MRPL3: variants seen among roughly 807,000 people sequenced by gnomAD.
The protein encoded by MRPL3 is mitochondrial ribosomal protein L3, also known as large ribosomal subunit protein uL3m.
Under a neutral mutation model 44.3 loss-of-function variants are expected in MRPL3, and 43 were observed. The ratio of observed to expected loss-of-function variants is 0.97; its 90% CI spans 0.76 to 1.25. The LOEUF (loss-of-function observed/expected upper bound fraction) is 1.25. Among genes scored for constraint, MRPL3 ranks in the 50% most tolerant of loss-of-function variants. MRPL3 has a pLI of 0.00. For missense variants in MRPL3, 406 were observed against 427.6 expected, an observed-to-expected ratio of 0.95 and a Z score of 0.45; for synonymous variants, 171 against 152.3, an observed-to-expected ratio of 1.12 and a Z score of -0.91.
rs1294801451 is a variant in MRPL3, at chr3:131,498,184, A to C, written c.463T>G (p.Phe155Val). ...LSVGGKTVSR[F>V]RKATSILEFY... ...CTATGAAAATACATCCTTACACGAAAACGTGATACAGTTTTTCCTCCTACA... is the reference window on the plus strand; with the variant it reads ...CTATGAAAATACATCCTTACACGAACACGTGATACAGTTTTTCCTCCTACA... Residue 155 changes from phenylalanine (F) to valine (V), a missense_variant, in exon 4 of 10, where the codon TTT becomes GTT. Phe to Val is a conservative substitution (Grantham distance 50, BLOSUM62 -1). Transcript: ENST00000264995. 19 of 1,594,630 alleles carry C rather than the reference A, an allele frequency of 1.2e-5. No individual in the cohort carries two copies. The highest frequency in any genetic ancestry group is 1.5e-5 in the Non-Finnish European group (18 of 1,162,588).
At position 131,496,615 on chromosome 3, in the gene MRPL3, C is replaced by T. The variant is rs114161330; in HGVS notation, c.468+1564G>A. Among the ~76,000 whole-genome samples the T allele has an allele frequency of 3.5e-3, 534 of 152,250 alleles. 7 individuals are homozygous for T. Among genetic ancestry groups the T allele is most frequent in the African/African-American group, 0.012 (507 of 41,532 alleles). ...TTCCTATCCCAGAGTATGCAATCAG[C>T]ACTGACCTAGTTGTGTCCTCCCACC... On this transcript the variant is annotated intron_variant, in intron 4 of 9. Transcript: ENST00000264995.
intron 6 of MRPL3, among the ~76,000 whole-genome samples, chr3:131,486,890 T>C (rs1410599459): frequency 6.6e-6 from 1 of 152,142 alleles, no homozygotes; most frequent in Non-Finnish European, 1.5e-5. Context: ...TGGAAGACAG[T>C]GTGGCGATTC....
chr3:131,467,939 C>T, intron 9 of MRPL3, 152 bp downstream of exon 9: 1 of 433,324 alleles, frequency 2.3e-6, no homozygotes, highest in Non-Finnish European at 4.1e-6. Flanking sequence ...GAAAAACAGC[C>T]ATTTATTTAT....
In MRPL3 at chr3:131,462,659, TATG is replaced by T; in HGVS notation, c.*61_*63del. On this transcript the variant is annotated 3_prime_UTR_variant, in exon 10 of 10. Transcript: ENST00000264995. ...AAAGGAGAGTATGATTTCTGGTGGT[TATG>T]ATATCACTCTGGCTCATCGAAGCTC... 5 of 1,453,342 alleles carry T rather than the reference TATG, an allele frequency of 3.4e-6. No individual in the cohort carries two copies. The African/African-American group carries it at 4.2e-5, about 12-fold the overall frequency. The allele number at this position is 1,453,342 out of a possible 1,614,324, so 90.0% of individuals were successfully genotyped here.
chr3:131,467,276 A>C (rs1303872256), intron 9 of MRPL3, among the ~76,000 whole-genome samples: 1 of 151,318 alleles, frequency 6.6e-6, no homozygotes, highest in African/African-American at 2.4e-5. Flanking sequence ...ACACACACCC[A>C]CCACATCTTC....
At chr3:131,484,487 T>A (rs1169127892) in intron 6 of MRPL3, among the ~76,000 whole-genome samples, 1 of 152,150 alleles carries the variant, frequency 6.6e-6, no homozygotes, top group Non-Finnish European at 1.5e-5. Flanking sequence ...ATTGTTCCCC[T>A]AGTGTTCACC....
intron 6 of MRPL3, among the ~76,000 whole-genome samples, chr3:131,486,381 A>AC (rs1356493816): frequency 6.7e-6 from 1 of 149,610 alleles, no homozygotes; most frequent in African/African-American, 2.4e-5. Flanking sequence ...AAAAAAAAAA[A>AC]AAAAAAAAAA....
chr3:131,489,151 C>T (rs1336990917), intron 5 of MRPL3, among the ~76,000 whole-genome samples: 2 of 152,074 alleles, frequency 1.3e-5, no homozygotes, highest in African/African-American at 4.8e-5. Context: ...TATTTTAGAA[C>T]TATCCCTTTA....
At chr3:131,501,498 G>A (rs775673528) in intron 2 of MRPL3, 33 bp downstream of exon 2, 1 of 1,548,410 alleles carries the variant, frequency 6.5e-7, no homozygotes, top group Non-Finnish European at 8.9e-7. Flanking sequence ...CAGTAATTAG[G>A]AAATGAGAGC....
intron 6 of MRPL3, among the ~76,000 whole-genome samples, chr3:131,476,870 G>T (rs1933864384): frequency 6.6e-6 from 1 of 152,174 alleles, no homozygotes; most frequent in Non-Finnish European, 1.5e-5. Flanking sequence ...AGGGAAGACA[G>T]GGGATTAAGT....
intron 3 of MRPL3, among the ~76,000 whole-genome samples, chr3:131,498,646 A>G (rs2110715896): frequency 6.7e-6 from 1 of 148,618 alleles, no homozygotes; most frequent in East Asian, 2.0e-4. Context: ...AGCTTGCAGT[A>G]AGCCAAGATC....
At chr3:131,475,134 A>G (rs1933827849) in intron 6 of MRPL3, among the ~76,000 whole-genome samples, 1 of 152,152 alleles carries the variant, frequency 6.6e-6, no homozygotes, top group South Asian at 2.1e-4. Context: ...TTTACTAGAT[A>G]ATACATCAAC....
chr3:131,462,626 T>A lies in MRPL3; in HGVS notation c.*97A>T, dbSNP rs892986016. On this transcript the variant is annotated 3_prime_UTR_variant, in exon 10 of 10. Coordinates refer to ENST00000264995, the MANE Select transcript of MRPL3 (RefSeq NM_007208.4). ...AAAGATGACATGTGTGATTTTGTTG[T>A]GACTAAGAAAGGAGAGTATGATTTC... 9 of 1,186,326 alleles carry A rather than the reference T, an allele frequency of 7.6e-6. No homozygotes were observed. In the African/African-American group the frequency reaches 1.4e-4, roughly 18 times the overall value. The allele number at this position is 1,186,326 out of a possible 1,614,324, so 73.5% of individuals were successfully genotyped here.
chr3:131,481,027 C>A (rs1042586409), intron 6 of MRPL3, among the ~76,000 whole-genome samples: 2 of 152,174 alleles, frequency 1.3e-5, no homozygotes, highest in Admixed American at 6.5e-5. Flanking sequence ...CGCTTTCAAC[C>A]CAGGTCATAG....
chr3:131,490,837 G>A (rs749548528), intron 4 of MRPL3, among the ~76,000 whole-genome samples: 1 of 152,174 alleles, frequency 6.6e-6, no homozygotes, highest in Non-Finnish European at 1.5e-5. Flanking sequence ...CTAGTGTGGG[G>A]TCTAGGCATT....
intron 1 of MRPL3, 46 bp from the exon 2 acceptor site, chr3:131,501,761 T>C (rs1005473789): frequency 3.1e-6 from 5 of 1,590,092 alleles, no homozygotes; most frequent in African/African-American, 1.4e-5. Flanking sequence ...ATTTAAAAAC[T>C]TCCTCCACTT....
At chr3:131,463,122 A>G (rs1028678878) in intron 9 of MRPL3, among the ~76,000 whole-genome samples, 3 of 152,212 alleles carry the variant, frequency 2.0e-5, no homozygotes, top group Non-Finnish European at 4.4e-5. Flanking sequence ...TTTGTATCTT[A>G]ACTTGTAAGA....
At chr3:131,475,230 A>G (rs1441828138) in intron 6 of MRPL3, among the ~76,000 whole-genome samples, 1 of 152,240 alleles carries the variant, frequency 6.6e-6, no homozygotes, top group African/African-American at 2.4e-5. Context: ...AAAGAGGACA[A>G]AAAGAAAAAG....
intron 6 of MRPL3, among the ~76,000 whole-genome samples, chr3:131,476,772 C>A (rs1933862698): frequency 6.6e-6 from 1 of 152,142 alleles, no homozygotes; most frequent in Non-Finnish European, 1.5e-5. Flanking sequence ...ACTTTCAGTG[C>A]ACGAAGGGTA....
Sources: gnomAD v4.1 joint callset for allele counts (sites outside exome capture counted in the v4.1 genomes callset) on GRCh38, gnomAD v4.1.1 for gene constraint, MANE v1.5 for transcripts, NCBI Gene and HGNC (gene_info 2026-07-23, HGNC 2026-07-21) for gene names.